Variants in KIF6 observed in about 807,000 individuals in gnomAD.
KIF6 encodes the protein kinesin family member 6.
In KIF6, 106 loss-of-function variants were observed where a neutral mutation model predicts 112.7. The observed-to-expected ratio is 0.94, with a 90% CI of 0.80 to 1.11. The LOEUF (loss-of-function observed/expected upper bound fraction) is 1.11. Among genes scored for constraint, KIF6 ranks in the 50% least tolerant of loss-of-function variants. The pLI is 0.00. For synonymous variants in KIF6, 339 were observed against 339.9 expected (o/e 1.00, Z 0.03); for missense variants, 929 against 964.0 (o/e 0.96, Z 0.48).
chr6:39,422,447 T>C (rs1770442141), intron 14 of KIF6, among the ~76,000 whole-genome samples: 1 of 152,206 alleles, frequency 6.6e-6, no homozygotes, highest in South Asian at 2.1e-4. Context: ...TAAAAAGGGC[T>C]TTCCCACTGG....
At chr6:39,606,131 C>G (rs1782870947) in intron 6 of KIF6, among the ~76,000 whole-genome samples, 2 of 151,526 alleles carry the variant, frequency 1.3e-5, no homozygotes, top group Non-Finnish European at 1.5e-5. Context: ...TTTCCCTCCT[C>G]CTCCTTCTCC....
intron 8 of KIF6, among the ~76,000 whole-genome samples, chr6:39,585,562 C>T (rs563428773): frequency 1.3e-5 from 2 of 152,274 alleles, no homozygotes; most frequent in East Asian, 1.9e-4. Flanking sequence ...TCACAAGGTC[C>T]TAAGTGGCAG....
chr6:39,523,603 C>G (rs1031520473), intron 13 of KIF6, among the ~76,000 whole-genome samples: 4 of 139,420 alleles, frequency 2.9e-5, no homozygotes, highest in Non-Finnish European at 6.1e-5. Context: ...TTCCCTAGGC[C>G]TCAGTGCTCT....
At chr6:39,435,810 G>A (rs997137712) in intron 13 of KIF6, among the ~76,000 whole-genome samples, 1 of 152,080 alleles carries the variant, frequency 6.6e-6, no homozygotes, top group South Asian at 2.1e-4. Context: ...TGTAAATTGC[G>A]CTGTGATAAA....
chr6:39,647,467 C>A (rs1474265057), intron 3 of KIF6, among the ~76,000 whole-genome samples: 1 of 152,122 alleles, frequency 6.6e-6, no homozygotes, highest in East Asian at 1.9e-4. Context: ...ACTGTCCCAC[C>A]TGTAACAGCT....
chr6:39,724,683 A>G (rs553791020), intron 1 of KIF6, among the ~76,000 whole-genome samples: 16 of 152,318 alleles, frequency 1.1e-4, no homozygotes, highest in African/African-American at 3.8e-4. Flanking sequence ...GTTCACGTTT[A>G]TGTTGGAGAA....
rs763851375 is a variant in KIF6 at position 39,343,982 on chromosome 6, T to G, written c.2322-167A>C. On this transcript the variant is annotated intron_variant, in intron 21 of 22. Transcript: ENST00000287152. The surrounding 1 kb of genome is among the most constrained non-coding windows in gnomAD (Gnocchi z 4.1). ...TACCTTCTCTGTGTGGCAGCCACACTAAGCCTCTTGTCATGCAAATTGGGT... is the reference window on the plus strand; with the variant it reads ...TACCTTCTCTGTGTGGCAGCCACACGAAGCCTCTTGTCATGCAAATTGGGT... 6.6e-5 allele frequency among the ~76,000 whole-genome samples: 10 copies of G among 152,192 alleles called. No homozygotes were observed. The highest frequency in any genetic ancestry group is 1.0e-4 in the Non-Finnish European group (7 of 68,028).
At chr6:39,717,072 CT>C (rs940648795) in intron 2 of KIF6, among the ~76,000 whole-genome samples, 5 of 152,156 alleles carry the variant, frequency 3.3e-5, no homozygotes, top group African/African-American at 9.7e-5. Context: ...CCTAACTAGT[CT>C]TTTCCCCCTT....
intron 15 of KIF6, among the ~76,000 whole-genome samples, chr6:39,391,447 G>T (rs146571101): frequency 6.6e-6 from 1 of 152,240 alleles, no homozygotes; most frequent in African/African-American, 2.4e-5. Context: ...AGGAAGAAAC[G>T]TACAAACTCA....
At chr6:39,624,209 C>A (rs1563770) in intron 5 of KIF6, among the ~76,000 whole-genome samples, 9,077 of 152,106 alleles carry the variant, frequency 0.06, 824 homozygotes, top group African/African-American at 0.2. Flanking sequence ...CATGTGTATA[C>A]CCCATTTTCC....
At position 39,517,264 on chromosome 6, in the gene KIF6, G is replaced by T. The variant is rs533546568; in HGVS notation, c.1645+22739C>A. 1.2e-4 allele frequency among the ~76,000 whole-genome samples: 19 copies of T among 152,266 alleles called. No homozygotes were observed. In the East Asian group the frequency reaches 3.3e-3, roughly 26 times the overall value. On this transcript the variant is annotated intron_variant, in intron 13 of 22. Coordinates refer to ENST00000287152, the MANE Select transcript of KIF6 (RefSeq NM_145027.6). ...GCTGAGGGGAAAAGAAGGATATTTT[G>T]GGCAGAGCACCCCCAGCTCCCACCA...
At chr6:39,337,563 C>G (rs767458819) in intron 22 of KIF6, among the ~76,000 whole-genome samples, 14 of 151,628 alleles carry the variant, frequency 9.2e-5, no homozygotes, top group Non-Finnish European at 1.8e-4. Context: ...TCCTTCACCT[C>G]AGCCTCCCAA....
chr6:39,590,003 T>C (rs927442888), intron 7 of KIF6, among the ~76,000 whole-genome samples: 3 of 152,178 alleles, frequency 2.0e-5, no homozygotes, highest in Non-Finnish European at 4.4e-5. Context: ...TAGTATGTCC[T>C]AGGAAGGCAG....
chr6:39,445,690 G>A (rs1022997809), intron 13 of KIF6, among the ~76,000 whole-genome samples: 3 of 152,206 alleles, frequency 2.0e-5, no homozygotes, highest in Non-Finnish European at 4.4e-5. Context: ...ATTGCAGAAG[G>A]ATTTCTCAGG....
chr6:39,704,464 C>A (rs1789067158), intron 3 of KIF6, among the ~76,000 whole-genome samples: 1 of 151,932 alleles, frequency 6.6e-6, no homozygotes, highest in South Asian at 2.1e-4. Context: ...ACTAAAAATA[C>A]AAAATTAGCA....
chr6:39,347,089 A>G (rs548309391), intron 19 of KIF6, among the ~76,000 whole-genome samples: 4 of 152,350 alleles, frequency 2.6e-5, no homozygotes, highest in South Asian at 2.1e-4. Flanking sequence ...AATCCTCTCA[A>G]TGACCTAAGA....
At chr6:39,644,422 G>A (rs777540807) in intron 3 of KIF6, among the ~76,000 whole-genome samples, 19 of 152,098 alleles carry the variant, frequency 1.2e-4, no homozygotes, top group South Asian at 2.1e-4. Context: ...CAAAGTGACC[G>A]TCAGCTGATG....
Position 39,684,790 on chromosome 6 carries a change from G to A in KIF6, c.251+29902C>T, listed in dbSNP as rs564794440. Among the ~76,000 whole-genome samples the A allele has an allele frequency of 4.4e-3, 580 of 132,962 alleles. 4 individuals carry two copies. The highest frequency in any genetic ancestry group is 4.0e-3 in the Non-Finnish European group (248 of 61,620). 87.2% of individuals were successfully genotyped at this position (132,962 alleles called of 152,430 possible). A position where few individuals can be genotyped will look rare whatever the true frequency, so the allele number is the denominator to read the frequency against. On this transcript the variant is annotated intron_variant, in intron 3 of 22. Coordinates refer to ENST00000287152, the MANE Select transcript of KIF6 (RefSeq NM_145027.6). The stretch of plus-strand genomic sequence containing the variant: ...GGGTGTAAGAGTGAAACTCTGTCTC[G>A]AAAAAAAAAAAAAGAAAGAAAATTA...
At chr6:39,369,677 T>C (rs1237605478) in intron 16 of KIF6, among the ~76,000 whole-genome samples, 2 of 152,180 alleles carry the variant, frequency 1.3e-5, no homozygotes, top group African/African-American at 4.8e-5. Flanking sequence ...GGAGGCAGAC[T>C]GTAAAGTCAG....
Sources: allele counts gnomAD v4.1 joint callset (sites outside exome capture counted in the v4.1 genomes callset), GRCh38; gene constraint gnomAD v4.1.1; non-coding constraint Gnocchi (gnomAD v3.1); transcripts MANE v1.5; gene names NCBI Gene and HGNC (gene_info 2026-07-23, HGNC 2026-07-21).